The following PAG1 variants were observed in gnomAD, a reference collection of about 807,000 sequenced individuals.
PAG1 encodes the protein phosphoprotein membrane anchor with glycosphingolipid microdomains 1.
A neutral mutation model predicts 31.7 loss-of-function variants in PAG1; 23 were observed. The ratio of observed to expected loss-of-function variants is 0.73; its 90% confidence interval spans 0.52 to 1.03. The LOEUF (loss-of-function observed/expected upper bound fraction) is 1.03, where lower values mean the gene tolerates loss of function less well. Ranked by LOEUF, PAG1 falls within the 50% of genes least tolerant of loss-of-function variation. The probability of loss-of-function intolerance (pLI) is 0.00; values close to 1 mark genes in which losing one functional copy is unlikely to be tolerated. For synonymous variants in PAG1, 214 were observed against 210.3 expected (o/e 1.02, Z -0.15); for missense variants, 473 against 540.7 (o/e 0.87, Z 1.24).
chr8:81,042,761 A>G (rs1808576294), intron 2 of PAG1, among the ~76,000 whole-genome samples: 2 of 152,134 alleles, frequency 1.3e-5, no homozygotes, highest in Admixed American at 1.3e-4. Context: ...TTTCCCTCCC[A>G]TTTCAGAGAT....
chr8:81,004,404 T>C (rs1472486042), intron 3 of PAG1, among the ~76,000 whole-genome samples: 1 of 152,170 alleles, frequency 6.6e-6, no homozygotes, highest in East Asian at 1.9e-4. Flanking sequence ...GACCAATACC[T>C]CGCATGATAT....
chr8:80,968,269 T>C lies in PAG1; in HGVS notation c.*8275A>G, dbSNP rs1390296846. ...ATCTCTATTATTTCGTTTGTCCCCATAACATCTCTATGAGGTAGGCAATGG... is the reference window on the plus strand; with the variant it reads ...ATCTCTATTATTTCGTTTGTCCCCACAACATCTCTATGAGGTAGGCAATGG... On this transcript the variant is annotated 3_prime_UTR_variant, in exon 9 of 9. Coordinates refer to ENST00000220597, the MANE Select transcript of PAG1 (RefSeq NM_018440.4). 7 of 152,266 alleles carry C rather than the reference T, an allele frequency of 4.6e-5. No homozygotes were observed. Among genetic ancestry groups the C allele is most frequent in the African/African-American group, 1.4e-4 (6 of 41,470 alleles). 9.4% of individuals were successfully genotyped at this position (152,266 alleles called of 1,614,324 possible).
rs901068651 is a variant in PAG1, at chr8:80,969,324, T to G, written c.*7220A>C. 1 of 152,188 alleles carries G rather than the reference T, an allele frequency of 6.6e-6. No individual in the cohort carries two copies. Among genetic ancestry groups the G allele is most frequent in the African/African-American group, 2.4e-5 (1 of 41,436 alleles). The allele number at this position is 152,188 out of a possible 1,614,324, so 9.4% of individuals were successfully genotyped here. On this transcript the variant is annotated 3_prime_UTR_variant, in exon 9 of 9. Coordinates refer to ENST00000220597, the MANE Select transcript of PAG1 (RefSeq NM_018440.4). ...CTTATATTAAAAATACATAGAAGCT[T>G]GTCAAAGGAATGCTCAAAATCCTCA...
rs1166687875 is a variant in PAG1, at chr8:80,967,885, CCTG to C, written c.*8656_*8658del. 6 of 152,298 alleles carry C rather than the reference CCTG, an allele frequency of 3.9e-5. No individual in the cohort carries two copies. The highest frequency in any genetic ancestry group is 2.0e-4 in the Admixed American group (3 of 15,296). 9.4% of individuals were successfully genotyped at this position (152,298 alleles called of 1,614,324 possible). ...GATAAGTGCCTTTAATTACAACATA[CCTG>C]CTATTTACATGTAATCATACTTTTA... On this transcript the variant is annotated 3_prime_UTR_variant, in exon 9 of 9. Transcript: ENST00000220597.
At chr8:81,005,139 G>A (rs1177095420) in intron 3 of PAG1, among the ~76,000 whole-genome samples, 1 of 152,170 alleles carries the variant, frequency 6.6e-6, no homozygotes, top group Non-Finnish European at 1.5e-5. Flanking sequence ...GGAGAAGGAT[G>A]AGAGGGCTGA....
At chr8:81,018,846 G>C (rs902951735) in intron 3 of PAG1, among the ~76,000 whole-genome samples, 14 of 152,192 alleles carry the variant, frequency 9.2e-5, no homozygotes, top group South Asian at 2.1e-4. Flanking sequence ...CTGCTATAAA[G>C]ATACCTGAAA....
intron 1 of PAG1, among the ~76,000 whole-genome samples, chr8:81,070,888 A>C (rs1809082771): frequency 6.6e-6 from 1 of 152,194 alleles, no homozygotes; most frequent in South Asian, 2.1e-4. Flanking sequence ...CTGTGCATCT[A>C]AGTAGACATC....
intron 1 of PAG1, among the ~76,000 whole-genome samples, chr8:81,079,544 T>G (rs983272119): frequency 1.3e-5 from 2 of 152,140 alleles, no homozygotes; most frequent in South Asian, 4.1e-4. Flanking sequence ...TCCGTGAAAT[T>G]CTTTACTTCC....
At chr8:81,098,591 G>T (rs564719616) in intron 1 of PAG1, among the ~76,000 whole-genome samples, 58 of 152,120 alleles carry the variant, frequency 3.8e-4, no homozygotes, top group Non-Finnish European at 6.9e-4. Context: ...TTTCTCCATG[G>T]GTATCTTTTT....
At chr8:80,993,837 C>T (rs527988410) in intron 3 of PAG1, among the ~76,000 whole-genome samples, 1 of 152,078 alleles carries the variant, frequency 6.6e-6, no homozygotes, top group African/African-American at 2.4e-5. Flanking sequence ...GACTCCTGGG[C>T]TCAAGTAATC....
chr8:81,020,836 T>C (rs1388525081), intron 3 of PAG1, among the ~76,000 whole-genome samples: 1 of 152,222 alleles, frequency 6.6e-6, no homozygotes, highest in Admixed American at 6.5e-5. Context: ...CAAAATTTCA[T>C]CCTTAATAAA....
chr8:81,020,635 T>A (rs942616363), intron 3 of PAG1, among the ~76,000 whole-genome samples: 6 of 152,196 alleles, frequency 3.9e-5, no homozygotes, highest in African/African-American at 1.4e-4. Context: ...CCTCTTTCCT[T>A]TATAAATTAC....
intron 1 of PAG1, among the ~76,000 whole-genome samples, chr8:81,076,006 C>G (rs886612860): frequency 1.3e-5 from 2 of 152,160 alleles, no homozygotes; most frequent in African/African-American, 4.8e-5. Context: ...ATGAGCCATC[C>G]TGACATCACT....
chr8:81,037,841 C>A (rs567756928), intron 2 of PAG1, among the ~76,000 whole-genome samples: 2 of 152,300 alleles, frequency 1.3e-5, no homozygotes, highest in South Asian at 4.1e-4. Context: ...ATACAATGAA[C>A]AAAAAGTAAA....
At chr8:81,098,634 C>T (rs562919592) in intron 1 of PAG1, among the ~76,000 whole-genome samples, 1 of 152,070 alleles carries the variant, frequency 6.6e-6, no homozygotes, top group Non-Finnish European at 1.5e-5. Flanking sequence ...CTTCTTGGGC[C>T]CCGGGGCTGG....
At chr8:81,050,814 C>T (rs115491759) in intron 2 of PAG1, among the ~76,000 whole-genome samples, 129 of 152,290 alleles carry the variant, frequency 8.5e-4, no homozygotes, top group African/African-American at 3.0e-3. Context: ...TCCTCACATT[C>T]CTGCTGCATG....
intron 3 of PAG1, among the ~76,000 whole-genome samples, chr8:81,022,765 C>T (rs2130744429): frequency 6.6e-6 from 1 of 152,162 alleles, no homozygotes; most frequent in Non-Finnish European, 1.5e-5. Context: ...AAGAGGTGAT[C>T]CCTGATTTTC....
At chr8:81,038,037 T>C (rs966653204) in intron 2 of PAG1, among the ~76,000 whole-genome samples, 7 of 152,196 alleles carry the variant, frequency 4.6e-5, no homozygotes. Flanking sequence ...AAGCCTCAGG[T>C]CTGCCTCAGG....
chr8:81,072,804 T>TA (rs1420618436), intron 1 of PAG1, among the ~76,000 whole-genome samples: 1 of 152,138 alleles, frequency 6.6e-6, no homozygotes, highest in African/African-American at 2.4e-5. Context: ...AGGGCATAGA[T>TA]GAGGGAGTGG....
Sources: gnomAD v4.1 joint callset for allele counts (sites outside exome capture counted in the v4.1 genomes callset) on GRCh38, gnomAD v4.1.1 for gene constraint, MANE v1.5 for transcripts, NCBI Gene and HGNC (gene_info 2026-07-23, HGNC 2026-07-21) for gene names.